Variants in COL19A1 observed in about 807,000 individuals in gnomAD.
COL19A1 encodes collagen alpha-1(XIX) chain.
COL19A1 carries 159 observed loss-of-function variants against 190.2 expected under a neutral mutation model. The ratio of observed to expected loss-of-function variants is 0.84; its 90% confidence interval spans 0.73 to 0.95. The LOEUF (loss-of-function observed/expected upper bound fraction) is 0.95, where lower values mean the gene tolerates loss of function less well. COL19A1 is among the 40% of genes least tolerant of loss of function. The probability of loss-of-function intolerance (pLI) is 0.00; values close to 1 mark genes in which losing one functional copy is unlikely to be tolerated. For synonymous variants in COL19A1, 509 were observed against 458.9 expected (o/e 1.11, Z -1.39); for missense variants, 1,418 against 1,431.9 (o/e 0.99, Z 0.16).
intron 14 of COL19A1, among the ~76,000 whole-genome samples, chr6:70,066,163 A>G (rs1270764203): frequency 4.6e-5 from 7 of 152,184 alleles, no homozygotes; most frequent in Non-Finnish European, 7.4e-5. Flanking sequence ...TGTTTATTGC[A>G]GCACTGCTCA....
Position 70,144,913 on chromosome 6 carries a change from T to C in COL19A1, c.1681-5T>C, listed in dbSNP as rs1009539578. ...AAAGTAAGAATCTTACCTTGTTTTCTACAGGGAGATCCGGGTGGGATCATA... is the reference window on the plus strand; with the variant it reads ...AAAGTAAGAATCTTACCTTGTTTTCCACAGGGAGATCCGGGTGGGATCATA... On this transcript the variant is annotated splice_polypyrimidine_tract_variant and splice_region_variant and intron_variant, in intron 24 of 50. Coordinates refer to ENST00000620364, the MANE Select transcript of COL19A1 (RefSeq NM_001858.6). 17 of 1,555,468 alleles carry C rather than the reference T, an allele frequency of 1.1e-5. No homozygotes were observed. Among genetic ancestry groups the C allele is most frequent in the Admixed American group, 1.8e-5 (1 of 54,290 alleles).
chr6:70,030,066 T>C (rs1301201751), intron 12 of COL19A1, among the ~76,000 whole-genome samples: 1 of 152,182 alleles, frequency 6.6e-6, no homozygotes, highest in East Asian at 1.9e-4. Context: ...CTGTGAAGTC[T>C]TGGACACCCC....
At chr6:70,094,559 T>G (rs193061759) in intron 15 of COL19A1, among the ~76,000 whole-genome samples, 128 of 152,298 alleles carry the variant, frequency 8.4e-4, no homozygotes, top group African/African-American at 3.1e-3. Flanking sequence ...CTCATCTTCT[T>G]CATCATCATC....
intron 48 of COL19A1, among the ~76,000 whole-genome samples, chr6:70,199,405 T>C (rs1437160466): frequency 6.6e-6 from 1 of 152,246 alleles, no homozygotes; most frequent in African/African-American, 2.4e-5. Flanking sequence ...GTGACACAGC[T>C]GGTCTGCATC....
rs1299992921 is a variant in COL19A1 at position 70,080,879 on chromosome 6, G to T, written c.1224+12403G>T. 5.9e-5 allele frequency among the ~76,000 whole-genome samples: 9 copies of T among 152,252 alleles called. No homozygotes were observed. In the South Asian group the frequency reaches 1.9e-3, roughly 32 times the overall value. On this transcript the variant is annotated intron_variant, in intron 15 of 50. Transcript: ENST00000620364. ...TGATACATTTTTGTATACTCTACTG[G>T]TAACTTACTATGGGCTTAAAAACCT...
intron 14 of COL19A1, among the ~76,000 whole-genome samples, chr6:70,058,774 C>T (rs1780654192): frequency 6.6e-6 from 1 of 151,522 alleles, no homozygotes; most frequent in South Asian, 2.1e-4. Context: ...TTTCTGGCTG[C>T]TCTAGAGGTT....
At chr6:69,914,681 C>G (rs1406549776) in intron 4 of COL19A1, among the ~76,000 whole-genome samples, 2 of 152,144 alleles carry the variant, frequency 1.3e-5, no homozygotes, top group East Asian at 3.8e-4. Context: ...TAAATATGAT[C>G]TGGAAAATTC....
At chr6:70,166,150 C>A in intron 37 of COL19A1, 165 bp downstream of exon 37, 1 of 662,212 alleles carries the variant, frequency 1.5e-6, no homozygotes, top group Non-Finnish European at 2.6e-6. Context: ...CTGATTTGTT[C>A]TCCTTTTGGT....
chr6:69,950,674 C>CCACACA (rs56757599), intron 9 of COL19A1, among the ~76,000 whole-genome samples: 2,057 of 136,214 alleles, frequency 0.015, 23 homozygotes, highest in South Asian at 0.022. Flanking sequence ...ATGAATGCAG[C>CCACACA]CACACACACA....
chr6:69,927,975 C>T lies in COL19A1; in HGVS notation c.333C>T (p.Asn111=), dbSNP rs143252227. 89 of 1,613,288 alleles carry T rather than the reference C, an allele frequency of 5.5e-5. No homozygotes were observed. The highest frequency in any genetic ancestry group is 1.8e-4 in the East Asian group (8 of 44,846). ...CTGCCATGTTTCGAGTACGAAGAAACGCCAAAAAGGAACGGTGGTTTCTGT... is the reference window on the plus strand; with the variant it reads ...CTGCCATGTTTCGAGTACGAAGAAATGCCAAAAAGGAACGGTGGTTTCTGT... The part of the protein sequence containing the change: ...SVAAMFRVRR[N]AKKERWFLWQ... The change falls in exon 5 of 51, where the codon AAC becomes AAT. Residue 111 remains asparagine (N), a synonymous_variant. Coordinates refer to ENST00000620364, the MANE Select transcript of COL19A1 (RefSeq NM_001858.6).
intron 31 of COL19A1, among the ~76,000 whole-genome samples, chr6:70,154,150 T>C (rs1353182786): frequency 1.1e-5 from 1 of 88,168 alleles, no homozygotes; most frequent in African/African-American, 4.8e-5. Flanking sequence ...GATGTTCCCC[T>C]CCCTGTGTCC....
chr6:70,068,399 A>G (rs776478521), intron 14 of COL19A1, 24 bp from the exon 15 acceptor site: 2 of 1,469,148 alleles, frequency 1.4e-6, no homozygotes, highest in Middle Eastern at 1.7e-4. Context: ...CAGTGTATTA[A>G]CATGTGTCTC....
At chr6:70,174,439 A>G (rs1407752997) in intron 41 of COL19A1, among the ~76,000 whole-genome samples, 2 of 152,162 alleles carry the variant, frequency 1.3e-5, no homozygotes, top group Admixed American at 1.3e-4. Flanking sequence ...AGGCACCTGT[A>G]ATCCTAGCTA....
intron 2 of COL19A1, among the ~76,000 whole-genome samples, chr6:69,898,015 A>G (rs1443550317): frequency 6.6e-6 from 1 of 152,110 alleles, no homozygotes; most frequent in East Asian, 1.9e-4. Context: ...TGAAGGGGGA[A>G]CTGGTGAATC....
intron 9 of COL19A1, among the ~76,000 whole-genome samples, chr6:69,949,890 C>A (rs562630320): frequency 2.0e-5 from 3 of 151,892 alleles, no homozygotes; most frequent in African/African-American, 7.2e-5. Flanking sequence ...GGAGCAAAAA[C>A]ATATGTACAA....
chr6:70,126,458 T>G (rs1365305482), intron 17 of COL19A1, among the ~76,000 whole-genome samples: 2 of 152,182 alleles, frequency 1.3e-5, no homozygotes, highest in African/African-American at 4.8e-5. Flanking sequence ...GTTGTGGACT[T>G]AGGCACAGAC....
chr6:70,150,191 G>A, intron 30 of COL19A1, 146 bp downstream of exon 30: 1 of 813,122 alleles, frequency 1.2e-6, no homozygotes. Context: ...TTTGTCGAGT[G>A]AAAAAAAATT....
chr6:70,000,539 T>C (rs912315719), intron 11 of COL19A1, among the ~76,000 whole-genome samples: 12 of 152,202 alleles, frequency 7.9e-5, no homozygotes, highest in Non-Finnish European at 2.9e-5. Flanking sequence ...TGATGTTTCT[T>C]GACTTTTTAA....
intron 7 of COL19A1, among the ~76,000 whole-genome samples, chr6:69,933,131 A>G (rs1772888458): frequency 6.6e-6 from 1 of 152,044 alleles, no homozygotes; most frequent in African/African-American, 2.4e-5. Flanking sequence ...TTCCTAAACT[A>G]TGTTCTGACA....
Sources: allele counts gnomAD v4.1 joint callset (sites outside exome capture counted in the v4.1 genomes callset), GRCh38; gene constraint gnomAD v4.1.1; transcripts MANE v1.5; gene names NCBI Gene and HGNC (gene_info 2026-07-23, HGNC 2026-07-21).